The following CABIN1 variants were observed in gnomAD, a reference collection of about 807,000 sequenced individuals.
The protein encoded by CABIN1 is calcineurin-binding protein cabin-1.
Under a neutral mutation model 227.7 loss-of-function variants are expected in CABIN1, and 133 were observed. The observed-to-expected ratio is 0.58, with a 90% CI of 0.51 to 0.67. The LOEUF is 0.67. CABIN1 is among the 30% of genes least tolerant of loss of function. The probability of loss-of-function intolerance (pLI) is 0.00; values close to 1 mark genes in which losing one functional copy is unlikely to be tolerated. For missense variants in CABIN1, 2,408 were observed against 2,852.5 expected (o/e 0.84, Z 3.55); for synonymous variants, 1,086 against 1,155.1 (o/e 0.94, Z 1.21).
At chr22:24,026,970 G>A (rs1030229430) in intron 1 of CABIN1, among the ~76,000 whole-genome samples, 3 of 152,072 alleles carry the variant, frequency 2.0e-5, no homozygotes, top group Non-Finnish European at 4.4e-5. Context: ...GGTCTGTTTG[G>A]GGGAAAATTG....
In CABIN1 at chr22:24,091,746, A is replaced by G; in HGVS notation, c.3689A>G (p.Tyr1230Cys). Residue 1230 changes from tyrosine (Y) to cysteine (C), a missense_variant, in exon 24 of 37, where the codon TAC (tyrosine) becomes TGC (cysteine). Tyr to Cys is a radical substitution (Grantham distance 194). Around this residue, in one of 3 missense-constraint regions of CABIN1, gnomAD observed 649 missense variants for 910.3 expected, o/e 0.71. Coordinates refer to ENST00000263119, the MANE Select transcript of CABIN1 (RefSeq NM_012295.4). ...QQPPTVYLLH[Y>C]RQAGHYLHEE... Reference sequence around the variant, plus strand: ...CCACCCACCGTTTACTTGCTGCACTACAGGCAGGCTGGCCACTACCTGCAC... The same window carrying G: ...CCACCCACCGTTTACTTGCTGCACTGCAGGCAGGCTGGCCACTACCTGCAC... 6.2e-7 allele frequency: 1 copy of G among 1,614,104 alleles called. No individual in the cohort carries two copies. The highest frequency in any genetic ancestry group is 8.5e-7 in the Non-Finnish European group (1 of 1,180,014).
intron 1 of CABIN1, among the ~76,000 whole-genome samples, chr22:24,018,588 A>C (rs1485342371): frequency 2.6e-5 from 4 of 152,116 alleles, no homozygotes; most frequent in Admixed American, 6.5e-5. Context: ...TCTTTGCCAT[A>C]TTTTTTATTT....
chr22:24,091,156 G>A (rs1040111577), intron 23 of CABIN1, among the ~76,000 whole-genome samples: 4 of 152,186 alleles, frequency 2.6e-5, no homozygotes, highest in African/African-American at 9.7e-5. Flanking sequence ...AAGTCCTCTT[G>A]TACCCCAGGG....
At position 24,087,670 on chromosome 22, in the gene CABIN1, T is replaced by C; in HGVS notation, c.3482T>C (p.Leu1161Ser). 3 of 1,614,186 alleles carry C rather than the reference T, an allele frequency of 1.9e-6. No individual in the cohort carries two copies. Among genetic ancestry groups the C allele is most frequent in the Non-Finnish European group, 2.5e-6 (3 of 1,180,036 alleles). ...YALHSFASRQ[L>S]KQWRGELPPE... ...TTGCACTCATTCGCCTCACGTCAATTGAAGCAGTGGAGAGGCGAGCTGCCC... is the reference window on the plus strand; with the variant it reads ...TTGCACTCATTCGCCTCACGTCAATCGAAGCAGTGGAGAGGCGAGCTGCCC... The change falls in exon 23 of 37, where the codon TTG becomes TCG. Residue 1161 changes from leucine to serine, a missense_variant. Coordinates refer to ENST00000263119, the MANE Select transcript of CABIN1 (RefSeq NM_012295.4).
chr22:24,137,788 G>A (rs182265684), intron 29 of CABIN1, among the ~76,000 whole-genome samples: 1 of 152,332 alleles, frequency 6.6e-6, no homozygotes, highest in Non-Finnish European at 1.5e-5. Flanking sequence ...CCAAGTCTGG[G>A]GAAACTGCAT....
intron 10 of CABIN1, 180 bp downstream of exon 10, chr22:24,056,540 G>A (rs1018549109): frequency 1.7e-5 from 11 of 642,472 alleles, no homozygotes; most frequent in South Asian, 7.9e-5. Context: ...GATTTTTCTC[G>A]CCTCTTCCCA....
intron 27 of CABIN1, 65 bp downstream of exon 27, chr22:24,113,813 G>A (rs1015891703): frequency 5.7e-6 from 9 of 1,577,702 alleles, no homozygotes; most frequent in African/African-American, 5.4e-5. Flanking sequence ...GGGCAAAGCC[G>A]AAGGCTTCGT....
At chr22:24,035,124 C>T (rs1176614189) in intron 1 of CABIN1, among the ~76,000 whole-genome samples, 2 of 152,148 alleles carry the variant, frequency 1.3e-5, no homozygotes, top group Non-Finnish European at 2.9e-5. Context: ...TTAGATGTTG[C>T]CTGTGTTTCT....
In CABIN1 at chr22:24,177,537, GGGAGGCTCA is replaced by G; in HGVS notation, c.6247_6255del (p.Gln2083_Ala2085del). Reference sequence around the variant, plus strand: ...CTGAGGCCTGAGCCGAGAAGGGATGGGGAGGCTCAGGAGGCTGCGAGTGAGACTCAGCCC... The same window carrying G: ...CTGAGGCCTGAGCCGAGAAGGGATGGGGAGGCTGCGAGTGAGACTCAGCCC... On this transcript the variant is annotated inframe_deletion, in exon 36 of 37. Coordinates refer to ENST00000263119, the MANE Select transcript of CABIN1 (RefSeq NM_012295.4). This position sits in a 1 kb window ranked among gnomAD's most constrained non-coding sequence, Gnocchi z 4.4. 1 of 1,557,620 alleles carries G rather than the reference GGGAGGCTCA, an allele frequency of 6.4e-7. No homozygotes were observed. The highest frequency in any genetic ancestry group is 8.7e-7 in the Non-Finnish European group (1 of 1,148,526).
intron 19 of CABIN1, among the ~76,000 whole-genome samples, chr22:24,082,077 TTC>T (rs1176938448): frequency 1.3e-5 from 2 of 149,596 alleles, no homozygotes; most frequent in South Asian, 2.1e-4. Context: ...CTTGATTTTA[TTC>T]TCTCTCTTTT....
chr22:24,100,378 CT>C (rs1013366184), intron 26 of CABIN1, among the ~76,000 whole-genome samples: 1 of 152,220 alleles, frequency 6.6e-6, no homozygotes, highest in Non-Finnish European at 1.5e-5. Flanking sequence ...TAAAGTGGCC[CT>C]TTCAGCAGCT....
chr22:24,079,684 C>A (rs577074958), intron 19 of CABIN1, among the ~76,000 whole-genome samples: 3 of 152,172 alleles, frequency 2.0e-5, no homozygotes, highest in South Asian at 2.1e-4. Flanking sequence ...TGCCTGTTTA[C>A]CCCTTGGGTT....
At chr22:24,151,063 A>G (rs1272620055) in intron 29 of CABIN1, among the ~76,000 whole-genome samples, 1 of 152,168 alleles carries the variant, frequency 6.6e-6, no homozygotes, top group African/African-American at 2.4e-5. Flanking sequence ...GTCATGAGGC[A>G]GTAAGAGGTA....
intron 28 of CABIN1, among the ~76,000 whole-genome samples, 199 bp from the exon 29 acceptor site, chr22:24,134,103 C>T (rs1403745986): frequency 1.3e-5 from 2 of 152,184 alleles, no homozygotes; most frequent in Non-Finnish European, 2.9e-5. Context: ...GGCCAGAGAT[C>T]AGTTCTGAAA....
At chr22:24,011,918 C>T (rs767676298) in intron 1 of CABIN1, among the ~76,000 whole-genome samples, 16 of 152,206 alleles carry the variant, frequency 1.1e-4, no homozygotes, top group Non-Finnish European at 1.5e-5. Context: ...CCCAAGGTAT[C>T]TGCACAAGTG....
At chr22:24,099,921 C>CA (rs2042107091) in intron 26 of CABIN1, among the ~76,000 whole-genome samples, 1 of 152,312 alleles carries the variant, frequency 6.6e-6, no homozygotes, top group Middle Eastern at 3.4e-3. Context: ...AGGAGGGAGG[C>CA]AGGAGCGCCT....
In CABIN1 at chr22:24,178,131, A is replaced by G; in HGVS notation, c.6598A>G (p.Thr2200Ala). 2 of 1,613,756 alleles carry G rather than the reference A, an allele frequency of 1.2e-6. No homozygotes were observed. The highest frequency in any genetic ancestry group is 8.5e-7 in the Non-Finnish European group (1 of 1,179,944). ...LCQPALEVLE[T>A]SSQESSLESE... Reference sequence around the variant, plus strand: ...CCAGCCAGCCCTGGAGGTCCTGGAGACATCCAGCCAGGAGTCCTCGCTGGA... The same window carrying G: ...CCAGCCAGCCCTGGAGGTCCTGGAGGCATCCAGCCAGGAGTCCTCGCTGGA... Residue 2200 changes from threonine (T) to alanine (A), a missense_variant, in exon 37 of 37, where the codon ACA becomes GCA. Physicochemically the swap from Thr to Ala is moderately conservative, Grantham distance 58 (BLOSUM62 0). Coordinates refer to ENST00000263119, the MANE Select transcript of CABIN1 (RefSeq NM_012295.4).
intron 22 of CABIN1, 48 bp from the exon 23 acceptor site, chr22:24,087,404 C>G: frequency 1.9e-6 from 3 of 1,608,274 alleles, no homozygotes; most frequent in Non-Finnish European, 2.5e-6. Flanking sequence ...ATCTTCCATG[C>G]TTTTCATGTA....
chr22:24,031,832 G>A (rs914757523), intron 1 of CABIN1, among the ~76,000 whole-genome samples: 1 of 152,170 alleles, frequency 6.6e-6, no homozygotes, highest in Non-Finnish European at 1.5e-5. Flanking sequence ...TGCAGGTCTG[G>A]CCATGGGCTG....
Sources: allele counts gnomAD v4.1 joint callset (sites outside exome capture counted in the v4.1 genomes callset), GRCh38; gene constraint gnomAD v4.1.1; regional missense constraint gnomAD v4.1.1; non-coding constraint Gnocchi (gnomAD v3.1); transcripts MANE v1.5; gene names NCBI Gene and HGNC (gene_info 2026-07-23, HGNC 2026-07-21).